Variants in NTN4 observed in about 807,000 individuals in gnomAD.
The protein encoded by NTN4 is netrin 4.
Under a neutral mutation model 73.6 loss-of-function variants are expected in NTN4, and 32 were observed. That is an observed-to-expected ratio of 0.44 (90% CI 0.33 to 0.58). The LOEUF (loss-of-function observed/expected upper bound fraction) is 0.58. Ranked by LOEUF, NTN4 falls within the 20% of genes least tolerant of loss-of-function variation. NTN4 has a pLI of 0.04. For missense variants in NTN4, 654 were observed against 798.3 expected (o/e 0.82, Z 2.18); for synonymous variants, 258 against 287.5 (o/e 0.90, Z 1.04).
chr12:95,775,700 G>A (rs931329868), intron 2 of NTN4, among the ~76,000 whole-genome samples: 1 of 152,368 alleles, frequency 6.6e-6, no homozygotes, highest in Middle Eastern at 3.4e-3. Flanking sequence ...GAACTGGGTG[G>A]AGCCCATTGC....
intron 5 of NTN4, among the ~76,000 whole-genome samples, chr12:95,689,232 A>G (rs2078384497): frequency 6.6e-6 from 1 of 152,114 alleles, no homozygotes; most frequent in African/African-American, 2.4e-5. Context: ...TCAACCAACA[A>G]ATGTTAATAA....
At chr12:95,787,957 T>C (rs2079181969) in intron 1 of NTN4, among the ~76,000 whole-genome samples, 1 of 152,236 alleles carries the variant, frequency 6.6e-6, no homozygotes, top group Admixed American at 6.5e-5. Flanking sequence ...AACATGTTTA[T>C]TATGAGAATG....
intron 7 of NTN4, among the ~76,000 whole-genome samples, chr12:95,677,510 C>T (rs2078282249): frequency 6.6e-6 from 1 of 152,002 alleles, no homozygotes; most frequent in Non-Finnish European, 1.5e-5. Flanking sequence ...AAATTATAGG[C>T]CAATATCAGT....
intron 7 of NTN4, among the ~76,000 whole-genome samples, chr12:95,678,189 G>T (rs1350087047): frequency 6.6e-6 from 1 of 151,240 alleles, no homozygotes; most frequent in African/African-American, 2.4e-5. Flanking sequence ...CCTATTAGGG[G>T]TGTGGGGGGC....
At chr12:95,749,306 G>A (rs2078886323) in intron 2 of NTN4, among the ~76,000 whole-genome samples, 1 of 152,146 alleles carries the variant, frequency 6.6e-6, no homozygotes, top group South Asian at 2.1e-4. Flanking sequence ...GACTCGAATT[G>A]GGGGACCTCC....
intron 2 of NTN4, among the ~76,000 whole-genome samples, chr12:95,764,642 G>A (rs1480888057): frequency 1.3e-5 from 2 of 150,490 alleles, no homozygotes; most frequent in African/African-American, 4.9e-5. Flanking sequence ...TCCAGCCTGG[G>A]TGAGAAAGCG....
At chr12:95,694,327 C>T (rs535460628) in intron 5 of NTN4, among the ~76,000 whole-genome samples, 18 of 152,152 alleles carry the variant, frequency 1.2e-4, no homozygotes, top group African/African-American at 4.3e-4. Context: ...CCGGCGGCCA[C>T]TCCCTCCGCG....
At chr12:95,699,131 T>C (rs971646085) in intron 5 of NTN4, among the ~76,000 whole-genome samples, 6 of 152,112 alleles carry the variant, frequency 3.9e-5, no homozygotes, top group Non-Finnish European at 7.3e-5. Flanking sequence ...ATTGATTCTA[T>C]GCTGGAATCA....
intron 2 of NTN4, among the ~76,000 whole-genome samples, chr12:95,775,562 G>A (rs568890523): frequency 3.9e-5 from 6 of 152,182 alleles, no homozygotes; most frequent in Non-Finnish European, 5.9e-5. Context: ...AGGGTCCCAC[G>A]CCCACAGAGC....
At chr12:95,775,955 A>C (rs926568495) in intron 2 of NTN4, among the ~76,000 whole-genome samples, 2 of 152,200 alleles carry the variant, frequency 1.3e-5, no homozygotes, top group African/African-American at 4.8e-5. Context: ...TACTCCTCTG[A>C]GACAAAACTT....
chr12:95,752,225 G>C (rs969408776), intron 2 of NTN4, among the ~76,000 whole-genome samples: 3 of 151,348 alleles, frequency 2.0e-5, no homozygotes, highest in African/African-American at 7.3e-5. Context: ...GCCTTTTAAA[G>C]CCTATAAACT....
intron 3 of NTN4, among the ~76,000 whole-genome samples, chr12:95,732,467 A>G (rs1028998167): frequency 1.5e-5 from 2 of 130,504 alleles, no homozygotes; most frequent in African/African-American, 5.5e-5. Flanking sequence ...GCAATGGCGC[A>G]ATCTCAGCTC....
intron 2 of NTN4, among the ~76,000 whole-genome samples, chr12:95,752,279 G>A (rs1424124163): frequency 1.3e-5 from 2 of 150,108 alleles, no homozygotes; most frequent in African/African-American, 4.9e-5. Context: ...AACCAGACAA[G>A]CCTTACAAGT....
rs376595293 is a variant in NTN4 at position 95,740,058 on chromosome 12, AG to A, written c.586-1915del. On this transcript the variant is annotated intron_variant, in intron 2 of 9. Transcript: ENST00000343702. The stretch of plus-strand genomic sequence containing the variant: ...GTTGGCACGCGGATATCAGTAGGGA[AG>A]GGACATCATGACCCCTGAGGCTGTG... 1.0e-4 allele frequency: 16 copies of A among 152,400 alleles called. 1 individual carries two copies. Among genetic ancestry groups the A allele is most frequent in the African/African-American group, 3.8e-4 (16 of 41,594 alleles). 9.4% of individuals were successfully genotyped at this position (152,400 alleles called of 1,614,324 possible). A position where few individuals can be genotyped will look rare whatever the true frequency, so the allele number is the denominator to read the frequency against.
At chr12:95,672,974 C>T (rs1220066566) in intron 7 of NTN4, 9 of 1,152,550 alleles carry the variant, frequency 7.8e-6, no homozygotes, top group Non-Finnish European at 1.0e-5. Flanking sequence ...GACAAGAGCT[C>T]GAAGCCCATC....
intron 7 of NTN4, chr12:95,673,170 A>AT: frequency 1.7e-6 from 1 of 591,078 alleles, no homozygotes; most frequent in African/African-American, 1.9e-5. Context: ...ATCTGTAGGC[A>AT]TCTTGAGCTG....
At chr12:95,766,849 C>T (rs947465937) in intron 2 of NTN4, among the ~76,000 whole-genome samples, 5 of 152,320 alleles carry the variant, frequency 3.3e-5, no homozygotes, top group Admixed American at 2.0e-4. Flanking sequence ...TGTTGACTCA[C>T]GTTGATCTCA....
chr12:95,709,698 T>G (rs1314160746), intron 5 of NTN4, among the ~76,000 whole-genome samples: 1 of 152,072 alleles, frequency 6.6e-6, no homozygotes, highest in Non-Finnish European at 1.5e-5. Flanking sequence ...CATACCCAGC[T>G]ATTTTTGTAG....
At chr12:95,708,253 T>C (rs1307589132) in intron 5 of NTN4, among the ~76,000 whole-genome samples, 3 of 140,490 alleles carry the variant, frequency 2.1e-5, no homozygotes, top group African/African-American at 8.0e-5. Context: ...TTCTTTATTG[T>C]TATTTTATTT....
Sources: allele counts gnomAD v4.1 joint callset (sites outside exome capture counted in the v4.1 genomes callset), GRCh38; gene constraint gnomAD v4.1.1; transcripts MANE v1.5; gene names NCBI Gene and HGNC (gene_info 2026-07-23, HGNC 2026-07-21).